Variants in LAMA1 observed in about 807,000 individuals in gnomAD.
LAMA1 encodes laminin subunit alpha-1.
Under a neutral mutation model 348.7 loss-of-function variants are expected in LAMA1, and 219 were observed. The observed-to-expected ratio is 0.63, with a 90% confidence interval of 0.56 to 0.70. LAMA1 has a LOEUF of 0.70. Among genes scored for constraint, LAMA1 ranks in the 30% least tolerant of loss-of-function variants. The pLI, the probability that LAMA1 is intolerant of heterozygous loss-of-function variation, is 0.00. For missense variants in LAMA1, 3,744 were observed against 3,888.0 expected (o/e 0.96, Z 0.99); for synonymous variants, 1,487 against 1,491.0 (o/e 1.00, Z 0.06).
In LAMA1 at chr18:7,015,728, C is replaced by A. The variant is rs1404535230; in HGVS notation, c.3120G>T (p.Gly1040=). The A allele has an allele frequency of 6.2e-7, 1 of 1,613,714 alleles. No homozygotes were observed. Among genetic ancestry groups the A allele is most frequent in the African/African-American group, 1.3e-5 (1 of 74,872 alleles). The change falls in exon 22 of 63, where the codon GGG becomes GGT. Residue 1040 remains glycine (G), a synonymous_variant. Coordinates refer to ENST00000389658, the MANE Select transcript of LAMA1 (RefSeq NM_005559.4). ...CGTGGATGACAGTGCTCACCTGGCA[C>A]CCCACCTCCGCATCGTAGCCCCAGT... ...DGHWGYDAEV[G]CQACNCSLVG... is the part of the protein sequence containing the mutation.
chr18:7,021,920 T>C (rs1320655543), intron 19 of LAMA1, among the ~76,000 whole-genome samples: 2 of 149,650 alleles, frequency 1.3e-5, no homozygotes, highest in East Asian at 3.9e-4. Context: ...ATAGCTGCCA[T>C]TTATTTCATG....
chr18:7,061,862 T>A (rs2058103052), intron 3 of LAMA1, among the ~76,000 whole-genome samples: 1 of 152,156 alleles, frequency 6.6e-6, no homozygotes, highest in Non-Finnish European at 1.5e-5. Context: ...TGTGGGCCAG[T>A]ACCTGTGCGT....
chr18:7,065,212 G>A, intron 3 of LAMA1, among the ~76,000 whole-genome samples: 2 of 124,006 alleles, frequency 1.6e-5, no homozygotes, highest in Admixed American at 1.9e-4. Flanking sequence ...CAGCCTGGGT[G>A]ACAGAGTGAG....
chr18:7,107,697 T>C lies in LAMA1; in HGVS notation c.61+9963A>G, dbSNP rs1465249500. 5.9e-5 allele frequency among the ~76,000 whole-genome samples: 9 copies of C among 152,274 alleles called. No homozygotes were observed. The South Asian group carries it at 1.2e-3, about 21-fold the overall frequency. On this transcript the variant is annotated intron_variant, in intron 1 of 62. Transcript: ENST00000389658. The stretch of plus-strand genomic sequence containing the variant: ...AAATGACAATACTCCTATAAGGAAA[T>C]ACTATTCTCCTCTCCAATGAGGTGT...
rs1334764467 is a variant in LAMA1 at position 7,023,282 on chromosome 18, A to G, written c.2583T>C (p.Gly861=). 1.2e-6 allele frequency: 2 copies of G among 1,614,142 alleles called. No homozygotes were observed. Among genetic ancestry groups the G allele is most frequent in the Non-Finnish European group, 1.7e-6 (2 of 1,180,034 alleles). ...ACTCCCCGGTGACTGAGTCACAGTG[A>G]CCAGCCTCCGAGGGGTCCACGTTGC... is the stretch of plus-strand genomic sequence containing the variant. The part of the protein sequence containing the change: ...CSGNVDPSEA[G]HCDSVTGECL... Residue 861 remains glycine, a synonymous_variant, in exon 19 of 63, where the codon GGT becomes GGC. Transcript: ENST00000389658.
At chr18:7,057,506 A>C in intron 3 of LAMA1, among the ~76,000 whole-genome samples, 2 of 115,448 alleles carry the variant, frequency 1.7e-5, no homozygotes, top group African/African-American at 3.4e-5. Flanking sequence ...ATAGGATCTC[A>C]CTCTATCACC....
At position 6,947,180 on chromosome 18, in the gene LAMA1, C is replaced by G. The variant is rs1408028426; in HGVS notation, c.8827G>C (p.Glu2943Gln). 1.2e-6 allele frequency: 2 copies of G among 1,614,250 alleles called. No individual in the cohort carries two copies. The highest frequency in any genetic ancestry group is 8.5e-7 in the Non-Finnish European group (1 of 1,180,054). Residue 2943 changes from glutamate to glutamine, a missense_variant, in exon 61 of 63, where the codon GAG becomes CAG. Transcript: ENST00000389658. The stretch of plus-strand genomic sequence containing the variant: ...GCACCCACCTTGCCGTCCACAAGCT[C>G]TAGTCCAATGGCATCCACTTTGGCA... ...STAKVDAIGL[E>Q]LVDGKVLFHV... is the part of the protein sequence containing the mutation.
rs1439971274 is a variant in LAMA1, at chr18:6,942,030, TCTC to T, written c.*46_*48del. 1.2e-6 allele frequency: 2 copies of T among 1,604,716 alleles called. No homozygotes were observed. Among genetic ancestry groups the T allele is most frequent in the African/African-American group, 1.3e-5 (1 of 74,776 alleles). ...GAGATTCTTAATTCACACATACACT[TCTC>T]CTCAAAATATTAGCAATGATTCCAA... On this transcript the variant is annotated 3_prime_UTR_variant, in exon 63 of 63. Coordinates refer to ENST00000389658, the MANE Select transcript of LAMA1 (RefSeq NM_005559.4).
At chr18:6,973,748 C>T (rs1458794186) in intron 46 of LAMA1, among the ~76,000 whole-genome samples, 1 of 152,136 alleles carries the variant, frequency 6.6e-6, no homozygotes, top group African/African-American at 2.4e-5. Flanking sequence ...GGTTGGCTGC[C>T]TTACACGTAG....
Position 6,959,253 on chromosome 18 carries a change from C to T in LAMA1, c.7778+88G>A, listed in dbSNP as rs191169827. On this transcript the variant is annotated intron_variant, in intron 54 of 62. Coordinates refer to ENST00000389658, the MANE Select transcript of LAMA1 (RefSeq NM_005559.4). ...ATGCCGATGACCCCAGTCATCTAGCCGCCCAGGGCACCACCGCAAGGTTCC... is the reference window on the plus strand; with the variant it reads ...ATGCCGATGACCCCAGTCATCTAGCTGCCCAGGGCACCACCGCAAGGTTCC... 3,122 of 1,573,498 alleles carry T rather than the reference C, an allele frequency of 2.0e-3. 7 individuals are homozygous for T. Among genetic ancestry groups the T allele is most frequent in the Non-Finnish European group, 2.4e-3 (2,744 of 1,144,616 alleles).
At chr18:6,991,466 C>T (rs2057758551) in intron 36 of LAMA1, among the ~76,000 whole-genome samples, 1 of 146,628 alleles carries the variant, frequency 6.8e-6, no homozygotes, top group South Asian at 2.1e-4. Context: ...TCTCAGTTCA[C>T]TGCAACCTCC....
intron 23 of LAMA1, among the ~76,000 whole-genome samples, chr18:7,013,023 T>C (rs1379254973): frequency 6.6e-6 from 1 of 151,662 alleles, no homozygotes; most frequent in Non-Finnish European, 1.5e-5. Flanking sequence ...TAGCCAGGCG[T>C]GGTGGTGGGC....
At chr18:7,097,349 A>C (rs1290086342) in intron 1 of LAMA1, among the ~76,000 whole-genome samples, 1 of 152,208 alleles carries the variant, frequency 6.6e-6, no homozygotes, top group Non-Finnish European at 1.5e-5. Context: ...CAGAAAACCT[A>C]TAAAAATTTT....
chr18:7,073,670 C>T (rs539090830), intron 3 of LAMA1, among the ~76,000 whole-genome samples: 9 of 152,256 alleles, frequency 5.9e-5, no homozygotes, highest in Admixed American at 2.0e-4. Flanking sequence ...GGTTGATGGA[C>T]ATCTGGGTTG....
In LAMA1 at chr18:6,999,492, C is replaced by CA. The variant is rs1410200265; in HGVS notation, c.4615dup (p.Cys1539LeufsTer3). ...AATGTGCCTCGGTTCACACTCATCG[C>CA]ACCGGAGCCCCGAGGCCCCCAGCCT... On this transcript the variant is annotated frameshift_variant, in exon 32 of 63. Transcript: ENST00000389658. LOFTEE classifies it high-confidence loss of function. The CA allele has an allele frequency of 5.0e-6, 8 of 1,614,038 alleles. No homozygotes were observed. The highest frequency in any genetic ancestry group is 6.8e-6 in the Non-Finnish European group (8 of 1,180,048).
intron 29 of LAMA1, among the ~76,000 whole-genome samples, chr18:7,003,983 T>C (rs1482849854): frequency 6.6e-6 from 1 of 152,184 alleles, no homozygotes; most frequent in Non-Finnish European, 1.5e-5. Context: ...AAAGTGTTAA[T>C]GGCATGGCCT....
At chr18:7,087,556 T>C (rs1339249818) in intron 1 of LAMA1, among the ~76,000 whole-genome samples, 1 of 152,224 alleles carries the variant, frequency 6.6e-6, no homozygotes, top group East Asian at 1.9e-4. Flanking sequence ...AGACAGTAAA[T>C]TCTATTCAAA....
At chr18:7,048,232 T>G (rs1216632776) in intron 5 of LAMA1, among the ~76,000 whole-genome samples, 1 of 152,216 alleles carries the variant, frequency 6.6e-6, no homozygotes, top group East Asian at 1.9e-4. Context: ...GATCGTATAC[T>G]AGTAAGCACA....
intron 56 of LAMA1, chr18:6,955,687 T>C (rs971448843): frequency 2.1e-4 from 138 of 648,484 alleles, no homozygotes; most frequent in Non-Finnish European, 3.6e-4. Flanking sequence ...GTCACCTTAA[T>C]CCCACTCGGC....
Sources: gnomAD v4.1 joint callset for allele counts (sites outside exome capture counted in the v4.1 genomes callset) on GRCh38, gnomAD v4.1.1 for gene constraint, MANE v1.5 for transcripts, NCBI Gene and HGNC (gene_info 2026-07-23, HGNC 2026-07-21) for gene names.